Variants in NSMCE2 observed in about 807,000 individuals in gnomAD.
NSMCE2 encodes the protein NSE2 SUMO ligase component of SMC5/6 complex.
A neutral mutation model predicts 23.8 loss-of-function variants in NSMCE2; 24 were observed. That is an observed-to-expected ratio of 1.01 (90% CI 0.73 to 1.42). The LOEUF (loss-of-function observed/expected upper bound fraction) is 1.42, where lower values mean the gene tolerates loss of function less well. Among genes scored for constraint, NSMCE2 ranks in the 40% most tolerant of loss-of-function variants. NSMCE2 has a pLI of 0.00. For synonymous variants in NSMCE2, 92 were observed against 94.1 expected (o/e 0.98, Z 0.13); for missense variants, 284 against 296.5 (o/e 0.96, Z 0.31).
At chr8:125,117,566 G>A (rs1819070680) in intron 3 of NSMCE2, among the ~76,000 whole-genome samples, 1 of 151,810 alleles carries the variant, frequency 6.6e-6, no homozygotes, top group Admixed American at 6.6e-5. Flanking sequence ...AAGAGATGGG[G>A]TCTTACTCTG....
chr8:125,102,428 G>C lies in NSMCE2; in HGVS notation c.98G>C (p.Cys33Ser), dbSNP rs772400135. The part of the protein sequence containing the change: ...ALSSLKNFQA[C>S]INSGMDTASS... ...TCCTCCTTGAAAAACTTCCAAGCCT[G>C]TATCAACTCTGGTATGGACACAGCT... Residue 33 changes from cysteine (C) to serine (S), a missense_variant, in exon 3 of 8, where the codon TGT (cysteine) becomes TCT (serine). Physicochemically the swap from Cys to Ser is moderately radical, Grantham distance 112. Transcript: ENST00000287437. The C allele has an allele frequency of 1.9e-6, 3 of 1,613,696 alleles. No homozygotes were observed. The Admixed American group carries it at 5.0e-5, about 27-fold the overall frequency.
At chr8:125,317,633 T>A (rs1291422208) in intron 5 of NSMCE2, among the ~76,000 whole-genome samples, 2 of 152,236 alleles carry the variant, frequency 1.3e-5, no homozygotes, top group Non-Finnish European at 2.9e-5. Flanking sequence ...GAAGTCTAGG[T>A]CAGCATAAGC....
intron 3 of NSMCE2, among the ~76,000 whole-genome samples, chr8:125,108,652 G>A (rs1172334596): frequency 2.0e-5 from 3 of 152,184 alleles, no homozygotes; most frequent in African/African-American, 7.2e-5. Context: ...ATGACAACCA[G>A]CAATTAGTAA....
At chr8:125,148,228 C>G (rs1038012089) in intron 3 of NSMCE2, among the ~76,000 whole-genome samples, 5 of 152,184 alleles carry the variant, frequency 3.3e-5, no homozygotes, top group African/African-American at 9.7e-5. Flanking sequence ...TCCAGAGATT[C>G]TTTCCTTAAG....
chr8:125,275,199 T>C (rs1827402916), intron 5 of NSMCE2, among the ~76,000 whole-genome samples: 1 of 152,044 alleles, frequency 6.6e-6, no homozygotes, highest in South Asian at 2.1e-4. Context: ...TAGGAGAATG[T>C]CTTTCTCTCA....
intron 5 of NSMCE2, among the ~76,000 whole-genome samples, chr8:125,315,320 T>G (rs902768171): frequency 6.6e-6 from 1 of 152,104 alleles, no homozygotes; most frequent in South Asian, 2.1e-4. Flanking sequence ...AGCTTCCACA[T>G]CAGCAAAGTG....
At chr8:125,321,700 G>T (rs913045950) in intron 5 of NSMCE2, among the ~76,000 whole-genome samples, 4 of 152,150 alleles carry the variant, frequency 2.6e-5, no homozygotes, top group Non-Finnish European at 4.4e-5. Flanking sequence ...TATGACCAAC[G>T]GGGGGTTATT....
chr8:125,130,534 G>C (rs1819723516), intron 3 of NSMCE2, among the ~76,000 whole-genome samples: 2 of 152,196 alleles, frequency 1.3e-5, no homozygotes, highest in Middle Eastern at 3.4e-3. Flanking sequence ...CTTAGGATCA[G>C]CTATTTTTCC....
intron 4 of NSMCE2, among the ~76,000 whole-genome samples, chr8:125,177,731 G>A (rs1822567614): frequency 6.6e-6 from 1 of 152,168 alleles, no homozygotes. Flanking sequence ...TTTCCCCAAA[G>A]GACAAGCACT....
At chr8:125,095,883 A>T (rs1817903531) in intron 1 of NSMCE2, among the ~76,000 whole-genome samples, 1 of 100,682 alleles carries the variant, frequency 9.9e-6, no homozygotes, top group Admixed American at 9.1e-5. Flanking sequence ...ACTCCATCTC[A>T]AAAAAAAAAA....
chr8:125,203,280 C>T (rs1376113235), intron 5 of NSMCE2, among the ~76,000 whole-genome samples: 1 of 151,452 alleles, frequency 6.6e-6, no homozygotes, highest in Non-Finnish European at 1.5e-5. Flanking sequence ...TTTTAGTACC[C>T]TCATCTCCTG....
At chr8:125,220,408 G>A (rs1037697318) in intron 5 of NSMCE2, among the ~76,000 whole-genome samples, 6 of 151,882 alleles carry the variant, frequency 4.0e-5, no homozygotes, top group Admixed American at 1.3e-4. Flanking sequence ...AATTTTAATG[G>A]TTTGTATAGA....
chr8:125,357,882 T>A, intron 7 of NSMCE2, 64 bp downstream of exon 7: 1 of 1,138,024 alleles, frequency 8.8e-7, no homozygotes, highest in Non-Finnish European at 1.3e-6. Context: ...GGTGGCGTGT[T>A]CACGCTAGAG....
At chr8:125,141,663 A>G (rs1820379275) in intron 3 of NSMCE2, among the ~76,000 whole-genome samples, 1 of 152,108 alleles carries the variant, frequency 6.6e-6, no homozygotes, top group Non-Finnish European at 1.5e-5. Flanking sequence ...CTTCATTCCC[A>G]AGTGTTTTTG....
intron 5 of NSMCE2, among the ~76,000 whole-genome samples, chr8:125,337,884 CAAAAA>C (rs35658538): frequency 1.0e-5 from 1 of 97,376 alleles, no homozygotes; most frequent in Non-Finnish European, 2.0e-5. Context: ...AACTCTATCT[CAAAAA>C]AAAAAAAAAA....
rs1322675962 is a variant in NSMCE2, at chr8:125,171,113, C to T, written c.265-10990C>T. Among the ~76,000 whole-genome samples, 11 of 152,136 alleles carry T rather than the reference C, an allele frequency of 7.2e-5. 1 individual carries two copies. The highest frequency in any genetic ancestry group is 1.5e-4 in the Non-Finnish European group (10 of 68,030). ...TTCTTTAGGTCTCTGGTTCAGATGT[C>T]GTCTTTTCATTGAAGCCTGCCTTGA... On this transcript the variant is annotated intron_variant, in intron 4 of 7. Coordinates refer to ENST00000287437, the MANE Select transcript of NSMCE2 (RefSeq NM_173685.4).
At chr8:125,136,473 A>C (rs914460386) in intron 3 of NSMCE2, among the ~76,000 whole-genome samples, 1 of 152,178 alleles carries the variant, frequency 6.6e-6, no homozygotes, top group Non-Finnish European at 1.5e-5. Flanking sequence ...TAGGTCTTGC[A>C]TATAGTTTGG....
At chr8:125,246,734 T>G (rs1825978066) in intron 5 of NSMCE2, among the ~76,000 whole-genome samples, 1 of 152,172 alleles carries the variant, frequency 6.6e-6, no homozygotes, top group African/African-American at 2.4e-5. Flanking sequence ...TATGACCAAA[T>G]TATTTTTTTC....
At position 125,241,009 on chromosome 8, in the gene NSMCE2, A is replaced by G. The variant is rs990644034; in HGVS notation, c.418+58753A>G. On this transcript the variant is annotated intron_variant, in intron 5 of 7. Transcript: ENST00000287437. ...AGGTTGAGTATCCCTTATCCAAAAT[A>G]CCTGGGACCAGAAGTGTTTTGGATT... Among the ~76,000 whole-genome samples the G allele has an allele frequency of 4.6e-5, 7 of 152,156 alleles. No homozygotes were observed. In the East Asian group the frequency reaches 1.3e-3, roughly 29 times the overall value.
Sources: allele counts gnomAD v4.1 joint callset (sites outside exome capture counted in the v4.1 genomes callset), GRCh38; gene constraint gnomAD v4.1.1; transcripts MANE v1.5; gene names NCBI Gene and HGNC (gene_info 2026-07-23, HGNC 2026-07-21).